Variants in OXR1 observed in about 807,000 individuals in gnomAD.
OXR1 encodes the protein oxidation resistance protein 1.
OXR1 carries 41 observed loss-of-function variants against 104.6 expected under a neutral mutation model. The observed-to-expected ratio is 0.39, with a 90% CI of 0.31 to 0.51. OXR1 has a LOEUF of 0.51. OXR1 is among the 20% of genes least tolerant of loss of function. OXR1 has a pLI of 0.77. For synonymous variants in OXR1, 348 were observed against 348.4 expected (o/e 1.00, Z 0.01); for missense variants, 955 against 1,031.9 (o/e 0.93, Z 1.02).
chr8:106,737,608 CT>C lies in OXR1; in HGVS notation c.2037+10del. The stretch of plus-strand genomic sequence containing the variant: ...CTCTGCAGACGCCTCCAGGTGCCCC[CT>C]TCAGTAGTTTAAACCCCTCCAGAGA... On this transcript the variant is annotated intron_variant, in intron 12 of 16. Coordinates refer to ENST00000517566, the MANE Select transcript of OXR1 (RefSeq NM_001198533.2). The C allele has an allele frequency of 7.5e-7, 1 of 1,342,268 alleles. No individual in the cohort carries two copies. The highest frequency in any genetic ancestry group is 9.8e-7 in the Non-Finnish European group (1 of 1,020,398). The allele number at this position is 1,342,268 out of a possible 1,614,324, so 83.1% of individuals were successfully genotyped here.
At chr8:106,516,209 T>G (rs895729197) in intron 2 of OXR1, among the ~76,000 whole-genome samples, 2 of 152,148 alleles carry the variant, frequency 1.3e-5, no homozygotes, top group African/African-American at 2.4e-5. Context: ...TCCTTCAGTC[T>G]CTTCTCAAAA....
intron 2 of OXR1, among the ~76,000 whole-genome samples, chr8:106,441,369 T>G (rs1487487265): frequency 6.6e-6 from 1 of 152,228 alleles, no homozygotes; most frequent in Non-Finnish European, 1.5e-5. Flanking sequence ...CCAGCTTTGC[T>G]CTTTTTGCTT....
chr8:106,679,204 T>TC lies in OXR1; in HGVS notation c.221-3dup, dbSNP rs1827906095. On this transcript the variant is annotated splice_region_variant and splice_polypyrimidine_tract_variant and intron_variant, in intron 3 of 16. Transcript: ENST00000517566. ...ATTTAATAGGAATTTTGCCTTTTTT[T>TC]CCCAGACACTGGCCAAAAGAAGACC... The TC allele has an allele frequency of 1.3e-6, 2 of 1,596,046 alleles. No individual in the cohort carries two copies. Among genetic ancestry groups the TC allele is most frequent in the East Asian group, 2.2e-5 (1 of 44,520 alleles).
intron 2 of OXR1, among the ~76,000 whole-genome samples, chr8:106,450,573 C>T (rs1820256653): frequency 6.6e-6 from 1 of 152,152 alleles, no homozygotes; most frequent in Non-Finnish European, 1.5e-5. Flanking sequence ...AGAGTCTGCT[C>T]TTCTTGGCTG....
chr8:106,546,165 G>C (rs900884085), intron 3 of OXR1, among the ~76,000 whole-genome samples: 2 of 152,134 alleles, frequency 1.3e-5, no homozygotes, highest in Non-Finnish European at 2.9e-5. Context: ...CCAGGCTACA[G>C]GACATTCACC....
chr8:106,402,312 T>C (rs1438608001), intron 2 of OXR1, among the ~76,000 whole-genome samples: 1 of 152,190 alleles, frequency 6.6e-6, no homozygotes, highest in Non-Finnish European at 1.5e-5. Context: ...GAATGGAGTA[T>C]TGCCATTGGT....
intron 1 of OXR1, among the ~76,000 whole-genome samples, chr8:106,281,308 C>T (rs1812269098): frequency 1.3e-5 from 2 of 152,072 alleles, no homozygotes; most frequent in Admixed American, 6.6e-5. Flanking sequence ...GGAAATAACC[C>T]AGATGTCTGT....
chr8:106,629,467 C>A (rs1822482973), intron 3 of OXR1, among the ~76,000 whole-genome samples: 1 of 152,166 alleles, frequency 6.6e-6, no homozygotes, highest in Admixed American at 6.5e-5. Context: ...AGTCATCTAG[C>A]TACTGCCATG....
intron 1 of OXR1, among the ~76,000 whole-genome samples, chr8:106,329,241 C>G (rs1294567034): frequency 6.6e-6 from 1 of 151,844 alleles, no homozygotes; most frequent in African/African-American, 2.4e-5. Flanking sequence ...ATCCGCCCAC[C>G]TCGCCCTCCC....
intron 3 of OXR1, among the ~76,000 whole-genome samples, chr8:106,595,146 T>A (rs888370598): frequency 1.0e-3 from 157 of 152,222 alleles, no homozygotes; most frequent in African/African-American, 3.7e-3. Flanking sequence ...TATAACCAAC[T>A]TCTGTTCTCT....
chr8:106,324,366 G>A (rs1455496586), intron 1 of OXR1, among the ~76,000 whole-genome samples: 1 of 152,024 alleles, frequency 6.6e-6, no homozygotes, highest in Non-Finnish European at 1.5e-5. Flanking sequence ...CTTGAGGGAG[G>A]AGGTTGGGAG....
chr8:106,341,379 TAGTC>T (rs1815239650), intron 1 of OXR1, among the ~76,000 whole-genome samples: 1 of 120,344 alleles, frequency 8.3e-6, no homozygotes, highest in African/African-American at 3.8e-5. Context: ...TTTATTCAAT[TAGTC>T]AATCTACATA....
At chr8:106,272,788 T>C (rs1157730362) in intron 1 of OXR1, 1 of 152,224 alleles carries the variant, frequency 6.6e-6, no homozygotes, top group African/African-American at 2.4e-5. Context: ...TTGGCTTTTA[T>C]GGCTATGATT....
chr8:106,413,903 T>C (rs185234755), intron 2 of OXR1, among the ~76,000 whole-genome samples: 1 of 152,100 alleles, frequency 6.6e-6, no homozygotes, highest in African/African-American at 2.4e-5. Flanking sequence ...TTTTAAAATA[T>C]TTTTAGTAGA....
At chr8:106,736,701 T>C (rs1587290789) in intron 11 of OXR1, among the ~76,000 whole-genome samples, 1 of 152,324 alleles carries the variant, frequency 6.6e-6, no homozygotes, top group Non-Finnish European at 1.5e-5. Context: ...CTGTCATTTA[T>C]GGCTTTCAAA....
intron 3 of OXR1, among the ~76,000 whole-genome samples, chr8:106,564,792 T>G (rs1816952447): frequency 6.6e-6 from 1 of 152,174 alleles, no homozygotes; most frequent in South Asian, 2.1e-4. Flanking sequence ...CACGATCAAG[T>G]TGGCTTCATC....
At chr8:106,348,737 G>T (rs542919479) in intron 1 of OXR1, among the ~76,000 whole-genome samples, 2 of 152,200 alleles carry the variant, frequency 1.3e-5, no homozygotes, top group Admixed American at 6.5e-5. Context: ...GTTTTGAACC[G>T]AGAATTCTGT....
At chr8:106,477,703 C>T (rs1470633940) in intron 2 of OXR1, among the ~76,000 whole-genome samples, 1 of 151,616 alleles carries the variant, frequency 6.6e-6, no homozygotes, top group African/African-American at 2.4e-5. Context: ...AAATATTTTC[C>T]AGTACATTTA....
chr8:106,507,140 T>C (rs2129998265), intron 2 of OXR1, among the ~76,000 whole-genome samples: 1 of 152,160 alleles, frequency 6.6e-6, no homozygotes, highest in East Asian at 1.9e-4. Flanking sequence ...AAGGGAATAT[T>C]TGGAGAATTA....
Sources: allele counts gnomAD v4.1 joint callset (sites outside exome capture counted in the v4.1 genomes callset), GRCh38; gene constraint gnomAD v4.1.1; transcripts MANE v1.5; gene names NCBI Gene and HGNC (gene_info 2026-07-23, HGNC 2026-07-21).